The following RHOT2 variants were observed in gnomAD, a reference collection of about 807,000 sequenced individuals.
RHOT2 encodes mitochondrial Rho GTPase 2.
Under a neutral mutation model 81.6 loss-of-function variants are expected in RHOT2, and 90 were observed. The observed-to-expected ratio is 1.10, with a 90% CI of 0.93 to 1.31. The LOEUF (loss-of-function observed/expected upper bound fraction) is 1.31, where lower values mean the gene tolerates loss of function less well. RHOT2 is among the 40% of genes most tolerant of loss of function. The pLI, the probability that RHOT2 is intolerant of heterozygous loss-of-function variation, is 0.00. For synonymous variants in RHOT2, 512 were observed against 370.9 expected, an observed-to-expected ratio of 1.38 and a Z score of -4.37; for missense variants, 1,014 against 841.9, an observed-to-expected ratio of 1.20 and a Z score of -2.53.
At position 668,308 on chromosome 16, in the gene RHOT2, G is replaced by A. The variant is rs768520684; in HGVS notation, c.38-45G>A. On this transcript the variant is annotated intron_variant, in intron 1 of 18. Transcript: ENST00000315082. ...GGGTGAGGGTCTCGGGGGTCGGGGGGCGCCGTGACCTTGGCCCTCGCGCTG... is the reference window on the plus strand; with the variant it reads ...GGGTGAGGGTCTCGGGGGTCGGGGGACGCCGTGACCTTGGCCCTCGCGCTG... 35 of 1,245,398 alleles carry A rather than the reference G, an allele frequency of 2.8e-5. No individual in the cohort carries two copies. In the South Asian group the frequency reaches 5.9e-4, roughly 21 times the overall value. The allele number at this position is 1,245,398 out of a possible 1,614,324, so 77.1% of individuals were successfully genotyped here.
rs150414071 is a variant in RHOT2 at position 669,161 on chromosome 16, G to C, written c.223-392G>C. 5.7e-3 allele frequency: 2,243 copies of C among 393,212 alleles called. 52 individuals carry two copies. Among genetic ancestry groups the C allele is most frequent in the African/African-American group, 0.042 (2,055 of 48,824 alleles). 24.4% of individuals were successfully genotyped at this position (393,212 alleles called of 1,614,324 possible). A position where few individuals can be genotyped will look rare whatever the true frequency, so the allele number is the denominator to read the frequency against. The stretch of plus-strand genomic sequence containing the variant: ...GGTCCTGTCACTCTGTCTGTAGCGA[G>C]GGGGGAGGCAGGGGCCAAGGCGGCG... On this transcript the variant is annotated intron_variant, in intron 4 of 18. Transcript: ENST00000315082.
At position 670,355 on chromosome 16, in the gene RHOT2, G is replaced by C; in HGVS notation, c.436G>C (p.Glu146Gln). The change falls in exon 7 of 19, where the codon GAG becomes CAG. Residue 146 changes from glutamate to glutamine, a missense_variant and splice_region_variant. Coordinates refer to ENST00000315082, the MANE Select transcript of RHOT2 (RefSeq NM_138769.3). The stretch of plus-strand genomic sequence containing the variant: ...GTTTCCCGAGATTGAGACCTGCGTG[G>C]AGGTGAGTAGGTCCCAGGCAGGGCC... ...SQFPEIETCVECSAKNLRNIS... is the reference protein window; with the variant it reads ...SQFPEIETCVQCSAKNLRNIS... The C allele has an allele frequency of 3.7e-6, 6 of 1,612,688 alleles. No individual in the cohort carries two copies. Among genetic ancestry groups the C allele is most frequent in the Non-Finnish European group, 4.2e-6 (5 of 1,179,802 alleles).
Position 668,163 on chromosome 16 carries a change from CG to C in RHOT2, c.-34del. The C allele has an allele frequency of 2.2e-6, 1 of 445,624 alleles. No individual in the cohort carries two copies. Among genetic ancestry groups the C allele is most frequent in the Non-Finnish European group, 3.9e-6 (1 of 255,318 alleles). The allele number at this position is 445,624 out of a possible 1,614,324, so 27.6% of individuals were successfully genotyped here. On this transcript the variant is annotated 5_prime_UTR_variant, in exon 1 of 19. Transcript: ENST00000315082. ...AAAGGCTTGAGGACCAGGTCGGGGC[CG>C]GGTTCCGGGTCGGGGAGCGGCTCCG...
Position 671,798 on chromosome 16 carries a change from T to TACCCTG in RHOT2, c.954+17_954+18insACCCTG. The stretch of plus-strand genomic sequence containing the variant: ...CACGACCAGGTGAGAGCATGGCGAG[T>TACCCTG]CCCCTGCCCCTGCCCCCGCCCCCTC... On this transcript the variant is annotated intron_variant, in intron 12 of 18. Coordinates refer to ENST00000315082, the MANE Select transcript of RHOT2 (RefSeq NM_138769.3). 1 of 1,562,416 alleles carries TACCCTG rather than the reference T, an allele frequency of 6.4e-7. No homozygotes were observed. The highest frequency in any genetic ancestry group is 8.7e-7 in the Non-Finnish European group (1 of 1,148,318).
intron 4 of RHOT2, chr16:668,977 T>G (rs573845090): frequency 1.9e-6 from 1 of 517,896 alleles, no homozygotes; most frequent in South Asian, 2.7e-5. Context: ...GTGGGCTCTG[T>G]GTGCGCCACG....
Position 673,627 on chromosome 16 carries a change from C to G in RHOT2, c.*21C>G. On this transcript the variant is annotated 3_prime_UTR_variant, in exon 19 of 19. Transcript: ENST00000315082. ...AGTGAGGCCCCTGGTACCCAAGCCC[C>G]CTCCCCTGACCTGGGTGTGCCTCGC... is the stretch of plus-strand genomic sequence containing the variant. 1 of 1,595,936 alleles carries G rather than the reference C, an allele frequency of 6.3e-7. No homozygotes were observed. Among genetic ancestry groups the G allele is most frequent in the South Asian group, 1.1e-5 (1 of 90,014 alleles).
intron 4 of RHOT2, chr16:669,035 G>A (rs2038432059): frequency 4.6e-6 from 2 of 435,610 alleles, no homozygotes; most frequent in Non-Finnish European, 8.2e-6. Context: ...CCGGGCACCC[G>A]GAGCTCCCAG....
At chr16:673,202 A>G in intron 18 of RHOT2, 72 bp downstream of exon 18, 2 of 1,508,698 alleles carry the variant, frequency 1.3e-6, no homozygotes, top group Non-Finnish European at 1.8e-6. Flanking sequence ...CGGTGGTGTC[A>G]GGCCTGGAAC....
intron 5 of RHOT2, 26 bp downstream of exon 5, chr16:669,632 A>C: frequency 3.1e-6 from 5 of 1,609,728 alleles, no homozygotes; most frequent in Non-Finnish European, 4.2e-6. Flanking sequence ...AGACCCCAAC[A>C]GCAGAGACAC....
At position 674,019 on chromosome 16, in the gene RHOT2, C is replaced by A; in HGVS notation, c.*413C>A. The stretch of plus-strand genomic sequence containing the variant: ...GAGGGCTGGAAGGCAGAGCTTTGGG[C>A]CAAAAGCAGGCGTTGGGGGGTCCCC... On this transcript the variant is annotated 3_prime_UTR_variant, in exon 19 of 19. Transcript: ENST00000315082. The A allele has an allele frequency of 3.0e-6, 1 of 334,446 alleles. No individual in the cohort carries two copies. Among genetic ancestry groups the A allele is most frequent in the East Asian group, 9.1e-5 (1 of 11,028 alleles). The allele number at this position is 334,446 out of a possible 1,614,324, so 20.7% of individuals were successfully genotyped here. A position where few individuals can be genotyped will look rare whatever the true frequency, so the allele number is the denominator to read the frequency against.
Position 668,355 on chromosome 16 carries a change from C to A in RHOT2, c.40C>A (p.Gln14Lys). ...GCTGACCGCCTCGCCCCGCGCAGCC[C>A]AGGTGGGGAAGACGTCGCTGATCCT... Reference protein sequence around the residue: ...DVRILLLGEAQVGKTSLILSL... With the variant: ...DVRILLLGEAKVGKTSLILSL... The change falls in exon 2 of 19, where the codon CAG (glutamine) becomes AAG (lysine). Residue 14 changes from glutamine (Q) to lysine (K), a missense_variant and splice_region_variant. Transcript: ENST00000315082. 1 of 1,419,302 alleles carries A rather than the reference C, an allele frequency of 7.0e-7. No individual in the cohort carries two copies. The highest frequency in any genetic ancestry group is 9.1e-7 in the Non-Finnish European group (1 of 1,094,084). The allele number at this position is 1,419,302 out of a possible 1,614,324, so 87.9% of individuals were successfully genotyped here.
At position 671,856 on chromosome 16, in the gene RHOT2, G is replaced by A; in HGVS notation, c.955-4G>A. 3 of 1,432,848 alleles carry A rather than the reference G, an allele frequency of 2.1e-6. No individual in the cohort carries two copies. The highest frequency in any genetic ancestry group is 2.7e-6 in the Non-Finnish European group (3 of 1,092,674). 88.8% of individuals were successfully genotyped at this position (1,432,848 alleles called of 1,614,324 possible). A position where few individuals can be genotyped will look rare whatever the true frequency, so the allele number is the denominator to read the frequency against. Reference sequence around the variant, plus strand: ...CACACATCACCACATCCCTCCTTCTGCAGGACCGCGACGGCGCCCTCTCGC... The same window carrying A: ...CACACATCACCACATCCCTCCTTCTACAGGACCGCGACGGCGCCCTCTCGC... On this transcript the variant is annotated splice_region_variant and splice_polypyrimidine_tract_variant and intron_variant, in intron 12 of 18. Coordinates refer to ENST00000315082, the MANE Select transcript of RHOT2 (RefSeq NM_138769.3).
intron 5 of RHOT2, 65 bp downstream of exon 5, chr16:669,671 T>C (rs2038574726): frequency 6.5e-7 from 1 of 1,537,060 alleles, no homozygotes; most frequent in African/African-American, 1.4e-5. Flanking sequence ...AGGTGGACCT[T>C]CACCCAACCC....
rs562224669 is a variant in RHOT2 at position 672,581 on chromosome 16, G to A, written c.1404+15G>A. On this transcript the variant is annotated intron_variant, in intron 16 of 18. Coordinates refer to ENST00000315082, the MANE Select transcript of RHOT2 (RefSeq NM_138769.3). ...AGTACTTGATCGTGAGTGCTGGGGC[G>A]GCGCGGCCTGTGCCCGAGGGTGGAC... The A allele has an allele frequency of 6.9e-5, 111 of 1,612,046 alleles. 1 individual carries two copies. In the South Asian group the frequency reaches 1.1e-3, roughly 15 times the overall value.
In RHOT2 at chr16:672,583, C is replaced by T. The variant is rs758966794; in HGVS notation, c.1404+17C>T. ...TACTTGATCGTGAGTGCTGGGGCGG[C>T]GCGGCCTGTGCCCGAGGGTGGACCC... On this transcript the variant is annotated intron_variant, in intron 16 of 18. Transcript: ENST00000315082. The T allele has an allele frequency of 6.3e-5, 102 of 1,611,870 alleles. No individual in the cohort carries two copies. Among genetic ancestry groups the T allele is most frequent in the Middle Eastern group, 1.6e-4 (1 of 6,080 alleles).
In RHOT2 at chr16:670,676, T is replaced by G; in HGVS notation, c.542T>G (p.Leu181Trp). The G allele has an allele frequency of 6.2e-7, 1 of 1,612,234 alleles. No homozygotes were observed. Among genetic ancestry groups the G allele is most frequent in the South Asian group, 1.1e-5 (1 of 91,082 alleles). ...APLYDPEAKQ[L>W]RPACAQALTR... is the part of the protein sequence containing the mutation. ...GGTGCTGAGCCAACATCCCCACAGT[T>G]GAGGCCCGCGTGCGCCCAGGCGCTG... The change falls in exon 9 of 19, where the codon TTG (leucine) becomes TGG (tryptophan). Residue 181 changes from leucine (L) to tryptophan (W), a missense_variant and splice_region_variant. Coordinates refer to ENST00000315082, the MANE Select transcript of RHOT2 (RefSeq NM_138769.3).
At chr16:672,899 C>T in intron 17 of RHOT2, 29 bp from the exon 18 acceptor site, 1 of 1,612,748 alleles carries the variant, frequency 6.2e-7, no homozygotes, top group South Asian at 1.1e-5. Flanking sequence ...CACCCCAGGA[C>T]TGTACCTCAT....
At chr16:668,442 G>A (rs772067767) in intron 2 of RHOT2, 31 bp downstream of exon 2, 15 of 1,568,118 alleles carry the variant, frequency 9.6e-6, no homozygotes, top group Non-Finnish European at 1.3e-5. Context: ...GGGGGTGGGA[G>A]CGGGCCCAGC....
intron 12 of RHOT2, 35 bp downstream of exon 12, chr16:671,816 G>GCCCCCCCCCCCCCCC: frequency 1.8e-6 from 1 of 568,664 alleles, no homozygotes; most frequent in Non-Finnish European, 2.9e-6. Context: ...CCCTGCCCCC[G>GCCCCCCCCCCCCCCC]CCCCCTCCCC....
Sources: gnomAD v4.1 joint callset for allele counts on GRCh38, gnomAD v4.1.1 for gene constraint, MANE v1.5 for transcripts, NCBI Gene and HGNC (gene_info 2026-07-23, HGNC 2026-07-21) for gene names.